HNRNPA2B1: variants seen among roughly 807,000 people sequenced by gnomAD.
HNRNPA2B1 encodes heterogeneous nuclear ribonucleoproteins A2/B1.
HNRNPA2B1 carries 3 observed loss-of-function variants against 46.3 expected under a neutral mutation model. That is an observed-to-expected ratio of 0.06 (90% CI 0.03 to 0.17). HNRNPA2B1 has a LOEUF of 0.17. Ranked by LOEUF, HNRNPA2B1 falls within the 10% of genes least tolerant of loss-of-function variation. The probability of loss-of-function intolerance (pLI) is 1.00; values close to 1 mark genes in which losing one functional copy is unlikely to be tolerated. For missense variants in HNRNPA2B1, 221 were observed against 418.9 expected (o/e 0.53, Z 4.12); for synonymous variants, 225 against 133.8 (o/e 1.68, Z -4.70).
chr7:26,198,459 T>C (rs1053184985), intron 1 of HNRNPA2B1: 1 of 152,480 alleles, frequency 6.6e-6, no homozygotes, highest in Non-Finnish European at 1.5e-5. Context: ...GACATGTCTA[T>C]ATTTGATATA....
At chr7:26,192,685 C>T (rs1783035250) in intron 9 of HNRNPA2B1, 108 bp from the exon 10 acceptor site, 2 of 914,696 alleles carry the variant, frequency 2.2e-6, no homozygotes, top group African/African-American at 3.3e-5. Context: ...TTTAAACAAG[C>T]AGATCCTAAT....
At position 26,200,444 on chromosome 7, in the gene HNRNPA2B1, G is replaced by C; in HGVS notation, c.6+128C>G. 3.3e-6 allele frequency: 3 copies of C among 908,032 alleles called. No homozygotes were observed. The South Asian group carries it at 3.9e-5, about 12-fold the overall frequency. The allele number at this position is 908,032 out of a possible 1,614,324, so 56.2% of individuals were successfully genotyped here. ...TCAAGACCCCGTTCATAAACCTTAAGCCCCACTGCTACTGAATTGGTCCGA... is the reference window on the plus strand; with the variant it reads ...TCAAGACCCCGTTCATAAACCTTAACCCCCACTGCTACTGAATTGGTCCGA... On this transcript the variant is annotated intron_variant, in intron 1 of 10. Transcript: ENST00000618183.
chr7:26,197,550 T>C (rs1419680786), intron 2 of HNRNPA2B1, 72 bp downstream of exon 2: 5 of 1,559,828 alleles, frequency 3.2e-6, no homozygotes, highest in Admixed American at 3.4e-5. Context: ...TGCTGATAGT[T>C]ATTTCCTCCA....
At chr7:26,194,299 G>A (rs543006989) in intron 7 of HNRNPA2B1, among the ~76,000 whole-genome samples, 38 of 152,276 alleles carry the variant, frequency 2.5e-4, no homozygotes, top group African/African-American at 8.7e-4. Context: ...TGGAGGCTGA[G>A]GCAGGAGAAT....
chr7:26,195,724 C>T (rs17796710), intron 7 of HNRNPA2B1, 123 bp downstream of exon 7: 9 of 1,078,508 alleles, frequency 8.3e-6, no homozygotes, highest in African/African-American at 4.9e-5. Flanking sequence ...GGACCACTAT[C>T]ACCCAAGCCA....
intron 7 of HNRNPA2B1, among the ~76,000 whole-genome samples, chr7:26,194,107 T>C (rs1037756569): frequency 2.0e-5 from 3 of 152,172 alleles, no homozygotes; most frequent in Non-Finnish European, 4.4e-5. Context: ...CTTAAAACAA[T>C]GTTCTCGGTT....
At chr7:26,193,194 C>G (rs1783109534) in intron 9 of HNRNPA2B1, 57 bp downstream of exon 9, 1 of 1,540,914 alleles carries the variant, frequency 6.5e-7, no homozygotes, top group African/African-American at 1.4e-5. Flanking sequence ...CTTTAAGTCA[C>G]AAAAGGCTAA....
intron 7 of HNRNPA2B1, among the ~76,000 whole-genome samples, chr7:26,194,144 C>T (rs183043353): frequency 6.6e-6 from 1 of 152,216 alleles, no homozygotes; most frequent in East Asian, 1.9e-4. Context: ...GCCTGTAATC[C>T]CAGCACTTTG....
chr7:26,200,405 G>T (rs1275424597), intron 1 of HNRNPA2B1, 167 bp downstream of exon 1: 20 of 738,980 alleles, frequency 2.7e-5, no homozygotes, highest in Non-Finnish European at 4.3e-5. Context: ...CTGTTTGTAC[G>T]CTCAGGCCTC....
chr7:26,194,013 G>C (rs1245478311), intron 7 of HNRNPA2B1, among the ~76,000 whole-genome samples: 1 of 152,158 alleles, frequency 6.6e-6, no homozygotes, highest in African/African-American at 2.4e-5. Flanking sequence ...CTAGTAGTGT[G>C]GGCTAGAGGG....
chr7:26,194,312 C>T (rs187494553), intron 7 of HNRNPA2B1, among the ~76,000 whole-genome samples: 4 of 152,194 alleles, frequency 2.6e-5, no homozygotes, highest in South Asian at 2.1e-4. Flanking sequence ...AGGAGAATGG[C>T]GTGAACCCGG....
chr7:26,193,220 A>T (rs1336442416), intron 9 of HNRNPA2B1, 31 bp downstream of exon 9: 3 of 1,600,398 alleles, frequency 1.9e-6, no homozygotes, highest in South Asian at 2.3e-5. Context: ...TAATCACAAA[A>T]ATCTGAATAA....
intron 1 of HNRNPA2B1, chr7:26,198,996 A>G (rs1009977753): frequency 1.3e-5 from 2 of 152,190 alleles, no homozygotes; most frequent in African/African-American, 2.4e-5. Context: ...AAATGATCAA[A>G]CTAGCTCCTA....
At position 26,192,454 on chromosome 7, in the gene HNRNPA2B1, TCC is replaced by T; in HGVS notation, c.*21+39_*21+40del. 4 of 1,354,108 alleles carry T rather than the reference TCC, an allele frequency of 3.0e-6. No homozygotes were observed. In the Middle Eastern group the frequency reaches 5.4e-4, roughly 184 times the overall value. The allele number at this position is 1,354,108 out of a possible 1,614,324, so 83.9% of individuals were successfully genotyped here. A position where few individuals can be genotyped will look rare whatever the true frequency, so the allele number is the denominator to read the frequency against. On this transcript the variant is annotated intron_variant, in intron 10 of 10. Coordinates refer to ENST00000618183, the MANE Select transcript of HNRNPA2B1 (RefSeq NM_002137.4). The stretch of plus-strand genomic sequence containing the variant: ...AAGCTTTTACTCCTGCAGCTATGTC[TCC>T]CAAGATAATAATAATTGTAAAACTC...
rs1782898130 is a variant in HNRNPA2B1, at chr7:26,191,320, T to C, written c.*1040A>G. On this transcript the variant is annotated 3_prime_UTR_variant, in exon 11 of 11. Transcript: ENST00000618183. ...AATTGTTAAACTCAATTTATAGCTATGTTAAACTACGTAAGAACCACTATA... is the reference window on the plus strand; with the variant it reads ...AATTGTTAAACTCAATTTATAGCTACGTTAAACTACGTAAGAACCACTATA... The C allele has an allele frequency of 6.6e-6, 1 of 152,198 alleles. No individual in the cohort carries two copies. The highest frequency in any genetic ancestry group is 1.5e-5 in the Non-Finnish European group (1 of 68,020). 9.4% of individuals were successfully genotyped at this position (152,198 alleles called of 1,614,324 possible).
chr7:26,192,452 T>C, intron 10 of HNRNPA2B1, 43 bp downstream of exon 10: 1 of 1,313,820 alleles, frequency 7.6e-7, no homozygotes, highest in Non-Finnish European at 1.1e-6. Flanking sequence ...TGCAGCTATG[T>C]CTCCCAAGAT....
intron 7 of HNRNPA2B1, among the ~76,000 whole-genome samples, chr7:26,195,478 G>T (rs550354394): frequency 1.3e-5 from 2 of 151,830 alleles, no homozygotes; most frequent in Non-Finnish European, 2.9e-5. Context: ...TCTAGTTACG[G>T]GTTTAGACAT....
intron 1 of HNRNPA2B1, chr7:26,198,072 GATT>G: frequency 2.5e-6 from 1 of 397,040 alleles, no homozygotes; most frequent in Middle Eastern, 6.5e-4. Context: ...TGTAGACCGT[GATT>G]ATCAAAGGAT....
chr7:26,195,174 AG>A, intron 7 of HNRNPA2B1, among the ~76,000 whole-genome samples: 1 of 152,050 alleles, frequency 6.6e-6, no homozygotes, highest in African/African-American at 2.4e-5. Flanking sequence ...GTTAAATACA[AG>A]AACTCAGCTT....
Sources: gnomAD v4.1 joint callset for allele counts (sites outside exome capture counted in the v4.1 genomes callset) on GRCh38, gnomAD v4.1.1 for gene constraint, MANE v1.5 for transcripts, NCBI Gene and HGNC (gene_info 2026-07-23, HGNC 2026-07-21) for gene names.